Variants in DCHS2 observed in about 807,000 individuals in gnomAD.
The protein encoded by DCHS2 is protocadherin-23.
Under a neutral mutation model 182.4 loss-of-function variants are expected in DCHS2, and 142 were observed. The ratio of observed to expected loss-of-function variants is 0.78; its 90% CI spans 0.68 to 0.89. DCHS2 has a LOEUF of 0.89. Among genes scored for constraint, DCHS2 ranks in the 40% least tolerant of loss-of-function variants. The probability of loss-of-function intolerance (pLI) is 0.00; values close to 1 mark genes in which losing one functional copy is unlikely to be tolerated. For missense variants in DCHS2, 4,319 were observed against 4,198.6 expected, an observed-to-expected ratio of 1.03 and a Z score of -0.79; for synonymous variants, 1,740 against 1,663.3, an observed-to-expected ratio of 1.05 and a Z score of -1.12.
At position 154,444,843 on chromosome 4, in the gene DCHS2, C is replaced by T. The variant is rs560516393; in HGVS notation, c.2052+44461G>A. 7.1e-4 allele frequency among the ~76,000 whole-genome samples: 108 copies of T among 152,308 alleles called. 1 individual carries two copies. Among genetic ancestry groups the T allele is most frequent in the Middle Eastern group, 3.4e-3 (1 of 294 alleles). On this transcript the variant is annotated intron_variant, in intron 1 of 19. Coordinates refer to ENST00000357232, the MANE Select transcript of DCHS2 (RefSeq NM_001358235.2). ...CTCTCCACATCTCTTCCACGCGCCC[C>T]GTTCATTCCTCATTTAGCTCCAGCC... is the stretch of plus-strand genomic sequence containing the variant.
intron 9 of DCHS2, among the ~76,000 whole-genome samples, chr4:154,317,113 TA>T (rs770835881): frequency 2.6e-5 from 4 of 152,216 alleles, no homozygotes; most frequent in African/African-American, 4.8e-5. Flanking sequence ...TTATAAGAAA[TA>T]TGAGTTTTGT....
intron 1 of DCHS2, among the ~76,000 whole-genome samples, chr4:154,394,971 G>A (rs966917620): frequency 6.6e-6 from 1 of 151,992 alleles, no homozygotes; most frequent in Non-Finnish European, 1.5e-5. Context: ...CAACCAGAAT[G>A]TGCCCATTTG....
rs141887355 is a variant in DCHS2 at position 154,336,431 on chromosome 4, G to T, written c.2477-1327C>A. 1.6e-4 allele frequency among the ~76,000 whole-genome samples: 24 copies of T among 152,238 alleles called. No homozygotes were observed. The East Asian group carries it at 3.5e-3, about 22-fold the overall frequency. On this transcript the variant is annotated intron_variant, in intron 3 of 19. Coordinates refer to ENST00000357232, the MANE Select transcript of DCHS2 (RefSeq NM_001358235.2). ...ATTAAATGAATTTGCGAACAAATAC[G>T]TATGGCTGGCCTTTATGGAATTCAT...
chr4:154,300,573 G>A (rs1254438895), intron 12 of DCHS2, among the ~76,000 whole-genome samples: 1 of 150,114 alleles, frequency 6.7e-6, no homozygotes, highest in East Asian at 2.0e-4. Flanking sequence ...TGTATTCCCC[G>A]CTGCTCAGGA....
chr4:154,378,552 G>GGAAGGAAGGAAGGAAA (rs1561078191), intron 1 of DCHS2, among the ~76,000 whole-genome samples: 3 of 142,894 alleles, frequency 2.1e-5, no homozygotes, highest in African/African-American at 7.9e-5. Flanking sequence ...AAGGAAGGAA[G>GGAAGGAAGGAAGGAAA]GAAGGAAGGA....
chr4:154,425,567 A>G (rs534327859), intron 1 of DCHS2, among the ~76,000 whole-genome samples: 1 of 152,270 alleles, frequency 6.6e-6, no homozygotes, highest in East Asian at 1.9e-4. Context: ...TCATTTGGAG[A>G]TCTCAGCCTT....
At chr4:154,389,802 C>G (rs180764617) in intron 1 of DCHS2, among the ~76,000 whole-genome samples, 20 of 151,640 alleles carry the variant, frequency 1.3e-4, no homozygotes, top group African/African-American at 4.4e-4. Context: ...CTCCATGGTA[C>G]CTATGCTAAA....
rs563462429 is a variant in DCHS2 at position 154,464,384 on chromosome 4, A to G, written c.2052+24920T>C. Among the ~76,000 whole-genome samples, 11 of 152,324 alleles carry G rather than the reference A, an allele frequency of 7.2e-5. No homozygotes were observed. In the South Asian group the frequency reaches 2.3e-3, roughly 32 times the overall value. ...TAATTTGAGGAAAATTCACAGCAAGAGATAGCTCCAATTACAACCAGAGAT... is the reference window on the plus strand; with the variant it reads ...TAATTTGAGGAAAATTCACAGCAAGGGATAGCTCCAATTACAACCAGAGAT... On this transcript the variant is annotated intron_variant, in intron 1 of 19. Coordinates refer to ENST00000357232, the MANE Select transcript of DCHS2 (RefSeq NM_001358235.2).
chr4:154,309,752 C>T (rs1292571265), intron 10 of DCHS2, among the ~76,000 whole-genome samples: 1 of 152,136 alleles, frequency 6.6e-6, no homozygotes, highest in African/African-American at 2.4e-5. Flanking sequence ...GCTAGGAATT[C>T]AATACTTGGA....
chr4:154,411,423 C>A lies in DCHS2; in HGVS notation c.2053-33979G>T, dbSNP rs185074855. On this transcript the variant is annotated intron_variant, in intron 1 of 19. Transcript: ENST00000357232. ...ACCAGCCTGGTCAATATGGTGAAACCCTGTCTCTTCTAAAAATACAAAAAT... is the reference window on the plus strand; with the variant it reads ...ACCAGCCTGGTCAATATGGTGAAACACTGTCTCTTCTAAAAATACAAAAAT... 2.4e-4 allele frequency among the ~76,000 whole-genome samples: 36 copies of A among 152,084 alleles called. No individual in the cohort carries two copies. The East Asian group carries it at 3.1e-3, about 13-fold the overall frequency.
intron 1 of DCHS2, chr4:154,384,576 TATGG>T: frequency 1.3e-6 from 2 of 1,490,038 alleles, no homozygotes; most frequent in South Asian, 1.3e-5. Flanking sequence ...TACTACCTTA[TATGG>T]CAACAGACAT....
chr4:154,378,107 G>A (rs536921981), intron 1 of DCHS2, among the ~76,000 whole-genome samples: 2 of 152,192 alleles, frequency 1.3e-5, no homozygotes, highest in East Asian at 1.9e-4. Flanking sequence ...TGCTGTGCTC[G>A]CCAAAACAGG....
At chr4:154,322,265 A>G in intron 8 of DCHS2, 66 bp downstream of exon 8, 1 of 1,600,236 alleles carries the variant, frequency 6.2e-7, no homozygotes, top group Non-Finnish European at 8.5e-7. Context: ...TTCACTCTAT[A>G]AACTTGTAAT....
At chr4:154,256,959 C>T (rs190673647) in intron 15 of DCHS2, among the ~76,000 whole-genome samples, 1 of 152,200 alleles carries the variant, frequency 6.6e-6, no homozygotes, top group East Asian at 1.9e-4. Flanking sequence ...CATCAAAGTC[C>T]ACTATATCCC....
intron 13 of DCHS2, among the ~76,000 whole-genome samples, chr4:154,280,281 G>C (rs1323710264): frequency 9.9e-5 from 15 of 152,062 alleles, no homozygotes; most frequent in Admixed American, 9.8e-4. Flanking sequence ...CATCACTGGA[G>C]AATTCTAAGA....
chr4:154,240,572 C>A lies in DCHS2; in HGVS notation c.7324G>T (p.Asp2442Tyr). The change falls in exon 18 of 20, where the codon GAT (aspartate) becomes TAT (tyrosine). Residue 2442 changes from aspartate to tyrosine, a missense_variant. Asp to Tyr is a radical substitution (Grantham distance 160). Transcript: ENST00000357232. ...ALVVRVLDVN[D>Y]NPPVFSQDFY... ...TCTTGAGAAAACACTGGTGGATTAT[C>A]ATTGACATCCAGCACACGGACTACA... is the stretch of plus-strand genomic sequence containing the variant. 6.2e-7 allele frequency: 1 copy of A among 1,613,784 alleles called. No individual in the cohort carries two copies. The highest frequency in any genetic ancestry group is 8.5e-7 in the Non-Finnish European group (1 of 1,179,852).
Position 154,335,059 on chromosome 4 carries a change from G to A in DCHS2, c.2522C>T (p.Thr841Ile). 6.2e-7 allele frequency: 1 copy of A among 1,613,588 alleles called. No homozygotes were observed. The highest frequency in any genetic ancestry group is 8.5e-7 in the Non-Finnish European group (1 of 1,179,504). ...TLPLSHLEST[T>I]LSLMVSAQDG... The stretch of plus-strand genomic sequence containing the variant: ...TTGAGCAGAGACCATCAACGAAAGT[G>A]TGGTAGATTCCAAATGACTAAGAGG... Residue 841 changes from threonine (T) to isoleucine (I), a missense_variant, in exon 4 of 20, where the codon ACA becomes ATA. Thr to Ile is a moderately conservative substitution (Grantham distance 89). Transcript: ENST00000357232.
At chr4:154,372,506 A>G (rs919611980) in intron 2 of DCHS2, among the ~76,000 whole-genome samples, 3 of 152,190 alleles carry the variant, frequency 2.0e-5, no homozygotes, top group Non-Finnish European at 4.4e-5. Context: ...GGTGAGATGG[A>G]GTTGAAATAG....
chr4:154,398,334 C>T (rs532167476), intron 1 of DCHS2, among the ~76,000 whole-genome samples: 18 of 152,134 alleles, frequency 1.2e-4, no homozygotes, highest in Non-Finnish European at 2.2e-4. Context: ...TTCCCAGGGT[C>T]GCAGCAAAGA....
Sources: gnomAD v4.1 joint callset for allele counts (sites outside exome capture counted in the v4.1 genomes callset) on GRCh38, gnomAD v4.1.1 for gene constraint, MANE v1.5 for transcripts, NCBI Gene and HGNC (gene_info 2026-07-23, HGNC 2026-07-21) for gene names.